The following XPR1 variants were observed in gnomAD, a reference collection of about 807,000 sequenced individuals.
XPR1 encodes the protein solute carrier family 53 member 1.
A neutral mutation model predicts 87.5 loss-of-function variants in XPR1; 28 were observed. That is an observed-to-expected ratio of 0.32 (90% confidence interval 0.24 to 0.44). The LOEUF (loss-of-function observed/expected upper bound fraction) is 0.44. XPR1 is among the 20% of genes least tolerant of loss of function. XPR1 has a pLI of 1.00. For synonymous variants in XPR1, 300 were observed against 306.1 expected, an observed-to-expected ratio of 0.98 and a Z score of 0.21; for missense variants, 559 against 862.3, an observed-to-expected ratio of 0.65 and a Z score of 4.41.
chr1:180,836,051 A>G (rs1651275442), intron 10 of XPR1, among the ~76,000 whole-genome samples: 1 of 152,104 alleles, frequency 6.6e-6, no homozygotes, highest in Admixed American at 6.6e-5. Context: ...TCCTTGACTT[A>G]TCTATCACTA....
At chr1:180,678,130 G>T (rs1656426502) in intron 1 of XPR1, among the ~76,000 whole-genome samples, 1 of 152,232 alleles carries the variant, frequency 6.6e-6, no homozygotes, top group Non-Finnish European at 1.5e-5. Context: ...TGTTAGGATG[G>T]AGATGGCACA....
chr1:180,635,266 G>T (rs1654724671), intron 1 of XPR1, among the ~76,000 whole-genome samples: 2 of 152,110 alleles, frequency 1.3e-5, no homozygotes, highest in African/African-American at 4.8e-5. Context: ...CCTGTTTCCA[G>T]TAATCTGTTT....
chr1:180,808,939 C>T (rs576951084), intron 6 of XPR1, among the ~76,000 whole-genome samples: 1 of 152,038 alleles, frequency 6.6e-6, no homozygotes, highest in Non-Finnish European at 1.5e-5. Context: ...AGGTATTTAC[C>T]CAAGACAAGT....
At chr1:180,657,559 A>G (rs1409998458) in intron 1 of XPR1, among the ~76,000 whole-genome samples, 2 of 152,082 alleles carry the variant, frequency 1.3e-5, no homozygotes, top group Non-Finnish European at 1.5e-5. Context: ...CCTTTCTCCA[A>G]TGTATGTTCT....
chr1:180,880,339 G>C (rs1405567651), intron 14 of XPR1, 42 bp downstream of exon 14: 3 of 1,608,826 alleles, frequency 1.9e-6, no homozygotes, highest in Non-Finnish European at 1.7e-6. Context: ...TTTCCTTTGA[G>C]TTTTAGCATT....
intron 3 of XPR1, among the ~76,000 whole-genome samples, chr1:180,789,711 A>G (rs1052897204): frequency 6.6e-6 from 1 of 151,656 alleles, no homozygotes; most frequent in African/African-American, 2.4e-5. Flanking sequence ...TGGCCACCAC[A>G]CCCAGCCAGA....
At chr1:180,883,168 G>T (rs1652898468) in intron 14 of XPR1, among the ~76,000 whole-genome samples, 1 of 134,134 alleles carries the variant, frequency 7.5e-6, no homozygotes, top group Non-Finnish European at 1.6e-5. Context: ...GTCTCACTGT[G>T]ATGCTCAGAC....
intron 2 of XPR1, among the ~76,000 whole-genome samples, chr1:180,765,021 G>A (rs530133530): frequency 2.0e-4 from 30 of 151,994 alleles, no homozygotes; most frequent in Admixed American, 1.3e-3. Flanking sequence ...TCCTGACCTC[G>A]TGATCCACCC....
At chr1:180,638,347 A>G (rs1418508850) in intron 1 of XPR1, among the ~76,000 whole-genome samples, 1 of 152,218 alleles carries the variant, frequency 6.6e-6, no homozygotes, top group Non-Finnish European at 1.5e-5. Flanking sequence ...GGGATTTGAC[A>G]TAATAAAAGT....
intron 2 of XPR1, among the ~76,000 whole-genome samples, chr1:180,751,753 A>G (rs1418232463): frequency 6.6e-6 from 1 of 152,148 alleles, no homozygotes; most frequent in African/African-American, 2.4e-5. Context: ...AAATGAATCA[A>G]TATTTTAATT....
At position 180,744,927 on chromosome 1, in the gene XPR1, A is replaced by C. The variant is rs1486721924; in HGVS notation, c.122-42826A>C. On this transcript the variant is annotated intron_variant, in intron 2 of 14. Coordinates refer to ENST00000367590, the MANE Select transcript of XPR1 (RefSeq NM_004736.4). The stretch of plus-strand genomic sequence containing the variant: ...TGGCCTCCCAAAGTGCAGGGATTAC[A>C]GGTGTGAGCCACCATGCCCGGCTGG... Among the ~76,000 whole-genome samples the C allele has an allele frequency of 4.6e-5, 7 of 152,244 alleles. No homozygotes were observed. The East Asian group carries it at 9.7e-4, about 21-fold the overall frequency.
intron 12 of XPR1, among the ~76,000 whole-genome samples, chr1:180,866,642 T>C (rs1467052532): frequency 6.6e-6 from 1 of 152,166 alleles, no homozygotes; most frequent in Non-Finnish European, 1.5e-5. Context: ...AAAATTGCAT[T>C]ATCACTATAT....
chr1:180,640,902 T>C (rs191779198), intron 1 of XPR1, among the ~76,000 whole-genome samples: 12 of 152,290 alleles, frequency 7.9e-5, no homozygotes, highest in Admixed American at 3.3e-4. Flanking sequence ...TAAGGAACTT[T>C]TAAGCTTATT....
chr1:180,658,940 T>C (rs1655636032), intron 1 of XPR1, among the ~76,000 whole-genome samples: 2 of 152,206 alleles, frequency 1.3e-5, no homozygotes, highest in African/African-American at 4.8e-5. Flanking sequence ...TGAACCATCC[T>C]TGCATTCCTG....
chr1:180,879,985 A>G (rs556069800), intron 13 of XPR1, 91 bp from the exon 14 acceptor site: 11 of 1,371,150 alleles, frequency 8.0e-6, no homozygotes, highest in East Asian at 6.9e-5. Flanking sequence ...TTTTGTTTCC[A>G]TGAGTGGAAA....
intron 1 of XPR1, among the ~76,000 whole-genome samples, chr1:180,652,614 A>T (rs1655334205): frequency 6.6e-6 from 1 of 152,210 alleles, no homozygotes; most frequent in Non-Finnish European, 1.5e-5. Flanking sequence ...TAAATCACTT[A>T]TTTGAAATTA....
At chr1:180,781,839 A>G (rs970969490) in intron 2 of XPR1, among the ~76,000 whole-genome samples, 1 of 152,006 alleles carries the variant, frequency 6.6e-6, no homozygotes, top group African/African-American at 2.4e-5. Context: ...TCTGATGCCC[A>G]GGCTGGAGTG....
chr1:180,855,333 ATAT>A (rs1651992248), intron 11 of XPR1, among the ~76,000 whole-genome samples: 1 of 152,180 alleles, frequency 6.6e-6, no homozygotes, highest in African/African-American at 2.4e-5. Flanking sequence ...CTTTGTTAAC[ATAT>A]TATTAAATTT....
rs1380685006 is a variant in XPR1 at position 180,787,840 on chromosome 1, A to T, written c.209A>T (p.Asn70Ile). 1.9e-6 allele frequency: 3 copies of T among 1,611,328 alleles called. No homozygotes were observed. The highest frequency in any genetic ancestry group is 2.5e-6 in the Non-Finnish European group (3 of 1,179,248). The change falls in exon 3 of 15, where the codon AAC becomes ATC. Residue 70 changes from asparagine to isoleucine, a missense_variant. Physicochemically the swap from Asn to Ile is moderately radical, Grantham distance 149. This residue lies in a region of XPR1 where 159 missense variants were observed against 263.3 expected (regional missense o/e 0.60). Coordinates refer to ENST00000367590, the MANE Select transcript of XPR1 (RefSeq NM_004736.4). ...QTCEKELAKI[N>I]TFYSEKLAEA... ...TGTGAAAAAGAACTTGCCAAAATCA[A>T]CACATTTTATTCAGGTGAGTAATTA...
Sources: allele counts gnomAD v4.1 joint callset (sites outside exome capture counted in the v4.1 genomes callset), GRCh38; gene constraint gnomAD v4.1.1; regional missense constraint gnomAD v4.1.1; transcripts MANE v1.5; gene names NCBI Gene and HGNC (gene_info 2026-07-23, HGNC 2026-07-21).